The following DGAT2L6 variants were observed in gnomAD, a reference collection of about 807,000 sequenced individuals.
The protein encoded by DGAT2L6 is diacylglycerol O-acyltransferase 2 like 6.
A neutral mutation model predicts 25.5 loss-of-function variants in DGAT2L6; 22 were observed. That is an observed-to-expected ratio of 0.86 (90% CI 0.62 to 1.23). The LOEUF is 1.23. Ranked by LOEUF, DGAT2L6 falls within the 50% of genes most tolerant of loss-of-function variation. DGAT2L6 has a pLI of 0.00. For synonymous variants in DGAT2L6, 100 were observed against 94.7 expected (o/e 1.06, Z -0.32); for missense variants, 287 against 253.2 (o/e 1.13, Z -0.91).
intron 1 of DGAT2L6, among the ~76,000 whole-genome samples, chrX:70,187,154 C>T (rs1428227376): frequency 9.3e-6 from 1 of 107,849 alleles, no homozygotes; most frequent in African/African-American, 3.5e-5. Flanking sequence ...GGCAGGAAGA[C>T]GGATAGGAGA....
At chrX:70,184,686 G>A (rs1213025789) in intron 1 of DGAT2L6, among the ~76,000 whole-genome samples, 1 of 109,990 alleles carries the variant, frequency 9.1e-6, no homozygotes, top group African/African-American at 3.3e-5. Context: ...GGTTGGTCTC[G>A]AACTCCTGGA....
chrX:70,201,708 C>T (rs902104849), intron 4 of DGAT2L6, among the ~76,000 whole-genome samples, 182 bp from the exon 5 acceptor site: 2 of 110,964 alleles, frequency 1.8e-5, no homozygotes, highest in African/African-American at 3.3e-5. Flanking sequence ...ACAGCTGACC[C>T]TAAGGACCAA....
intron 1 of DGAT2L6, among the ~76,000 whole-genome samples, chrX:70,191,526 C>T (rs2085375528): frequency 9.1e-6 from 1 of 110,487 alleles, no homozygotes; most frequent in Non-Finnish European, 1.9e-5. Flanking sequence ...ACCTATGGGA[C>T]ACAATAAGCA....
At chrX:70,200,501 C>A in intron 4 of DGAT2L6, 42 bp downstream of exon 4, 1 of 1,123,577 alleles carries the variant, frequency 8.9e-7, no homozygotes, top group South Asian at 2.0e-5. Context: ...TTACCTACTT[C>A]AAAGGTGCAA....
chrX:70,183,340 T>A (rs1002542783), intron 1 of DGAT2L6, among the ~76,000 whole-genome samples: 2 of 112,319 alleles, frequency 1.8e-5, no homozygotes, highest in Non-Finnish European at 3.8e-5. Context: ...CTCCCACTAC[T>A]CCTGCCAGTG....
intron 1 of DGAT2L6, among the ~76,000 whole-genome samples, chrX:70,181,763 G>T (rs1346578764): frequency 1.8e-5 from 2 of 111,725 alleles, no homozygotes; most frequent in Non-Finnish European, 3.8e-5. Context: ...GTGATATTAG[G>T]GTATCGGAAT....
intron 1 of DGAT2L6, among the ~76,000 whole-genome samples, chrX:70,194,166 A>G (rs1391340758): frequency 8.9e-6 from 1 of 111,923 alleles, no homozygotes; most frequent in African/African-American, 3.2e-5. Flanking sequence ...AAAGGAATAA[A>G]ATACTTAGGA....
Position 70,205,449 on chromosome X carries a change from C to T in DGAT2L6, c.*343C>T. The T allele has an allele frequency of 5.7e-6, 1 of 174,083 alleles. No individual in the cohort carries two copies. Among genetic ancestry groups the T allele is most frequent in the Non-Finnish European group, 1.1e-5 (1 of 93,430 alleles). 14.3% of individuals were successfully genotyped at this position (174,083 alleles called of 1,213,427 possible). On this transcript the variant is annotated 3_prime_UTR_variant, in exon 7 of 7. Transcript: ENST00000333026. ...TCTCTGATCACAAAGAATACTGTGC[C>T]CCTTTCTCCTAAACCTTAGTTCACC...
At chrX:70,197,637 T>A (rs1276455473) in intron 1 of DGAT2L6, among the ~76,000 whole-genome samples, 1 of 112,750 alleles carries the variant, frequency 8.9e-6, no homozygotes, top group East Asian at 2.8e-4. Flanking sequence ...TCTACAGATA[T>A]TTGTTGAACA....
In DGAT2L6 at chrX:70,177,769, C is replaced by T; in HGVS notation, c.85+102C>T. ...CCAAAGAGATCATCTGGGTGATCTC[C>T]ACCCTCTGGGAAGGATCTGGCTGGC... On this transcript the variant is annotated intron_variant, in intron 1 of 6. Transcript: ENST00000333026. 8.4e-6 allele frequency: 6 copies of T among 715,852 alleles called. No individual in the cohort carries two copies. In the South Asian group the frequency reaches 1.5e-4, roughly 18 times the overall value. The allele number at this position is 715,852 out of a possible 1,213,427, so 59.0% of individuals were successfully genotyped here.
chrX:70,199,699 A>AGAAG, intron 2 of DGAT2L6, 113 bp from the exon 3 acceptor site: 1 of 677,386 alleles, frequency 1.5e-6, no homozygotes. Flanking sequence ...CTGAGGTGTC[A>AGAAG]GAAGGAGGCC....
intron 1 of DGAT2L6, among the ~76,000 whole-genome samples, chrX:70,193,120 A>G (rs764071652): frequency 2.7e-5 from 3 of 110,818 alleles, no homozygotes; most frequent in Non-Finnish European, 3.8e-5. Flanking sequence ...AGCTCGGCCA[A>G]CATGGTGAGT....
rs761777135 is a variant in DGAT2L6 at position 70,177,599 on chromosome X, G to A, written c.17G>A (p.Arg6Gln). 7.4e-6 allele frequency: 9 copies of A among 1,210,676 alleles called. No individual in the cohort carries two copies. Among genetic ancestry groups the A allele is most frequent in the South Asian group, 1.8e-5 (1 of 56,922 alleles). Residue 6 changes from arginine (R) to glutamine (Q), a missense_variant, in exon 1 of 7, where the codon CGA becomes CAA. Coordinates refer to ENST00000333026, the MANE Select transcript of DGAT2L6 (RefSeq NM_198512.3). The part of the protein sequence containing the change: MAFFS[R>Q]LNLQEGLQTF... ...ACCATAACCATGGCTTTCTTCTCCC[G>A]ACTGAATCTCCAGGAGGGCCTCCAA...
chrX:70,192,119 T>A (rs2085377301), intron 1 of DGAT2L6, among the ~76,000 whole-genome samples: 1 of 111,452 alleles, frequency 9.0e-6, no homozygotes, highest in Non-Finnish European at 1.9e-5. Context: ...CATGGTGATG[T>A]CCAGCTACTT....
At chrX:70,189,478 A>ATGTC (rs2085369313) in intron 1 of DGAT2L6, among the ~76,000 whole-genome samples, 1 of 112,353 alleles carries the variant, frequency 8.9e-6, no homozygotes, top group African/African-American at 3.2e-5. Context: ...AAAATAAAAG[A>ATGTC]TCTAAATAAT....
intron 5 of DGAT2L6, among the ~76,000 whole-genome samples, chrX:70,202,421 G>A (rs956214955): frequency 8.9e-6 from 1 of 112,025 alleles, no homozygotes; most frequent in Non-Finnish European, 1.9e-5. Context: ...TTGATACCGT[G>A]AGGATCAAAA....
Position 70,200,384 on chromosome X carries a change from T to C in DGAT2L6, c.397T>C (p.Ser133Pro), listed in dbSNP as rs748531801. Residue 133 changes from serine to proline, a missense_variant, in exon 4 of 7, where the codon TCC becomes CCC. Physicochemically the swap from Ser to Pro is moderately conservative, Grantham distance 74. Transcript: ENST00000333026. ...CACTGGCATTGCTCGGATTTTCCCA[T>C]CCATCACTCCCTTTGTAGGGACCTT... The part of the protein sequence containing the change: ...EATGIARIFP[S>P]ITPFVGTLER... The C allele has an allele frequency of 3.0e-5, 36 of 1,210,273 alleles. No individual in the cohort carries two copies. Among genetic ancestry groups the C allele is most frequent in the Non-Finnish European group, 3.9e-5 (35 of 895,310 alleles).
At position 70,200,269 on chromosome X, in the gene DGAT2L6, T is replaced by C. The variant is rs1290144188; in HGVS notation, c.282T>C (p.His94=). ...CCCTCTAACAGCTGGTGAAGACTCA[T>C]GATCTTTCTCCCAAACACAACTACA... The part of the protein sequence containing the change: ...NYFPVKLVKT[H]DLSPKHNYII... The change falls in exon 4 of 7, where the codon CAT becomes CAC. Residue 94 remains histidine (H), a synonymous_variant. Coordinates refer to ENST00000333026, the MANE Select transcript of DGAT2L6 (RefSeq NM_198512.3). 8.3e-7 allele frequency: 1 copy of C among 1,211,348 alleles called. No homozygotes were observed. Among genetic ancestry groups the C allele is most frequent in the East Asian group, 3.0e-5 (1 of 33,809 alleles).
intron 3 of DGAT2L6, 44 bp from the exon 4 acceptor site, chrX:70,200,211 T>C (rs1555932972): frequency 8.5e-7 from 1 of 1,172,605 alleles, no homozygotes; most frequent in Non-Finnish European, 1.2e-6. Flanking sequence ...CGTGGTTTCT[T>C]CCTTCTTTGT....
Sources: allele counts gnomAD v4.1 joint callset (sites outside exome capture counted in the v4.1 genomes callset), GRCh38; gene constraint gnomAD v4.1.1; transcripts MANE v1.5; gene names NCBI Gene and HGNC (gene_info 2026-07-23, HGNC 2026-07-21).